Variants in FBLN2 observed in about 807,000 individuals in gnomAD.
The protein encoded by FBLN2 is fibulin 2, also known as fibulin-2.
A neutral mutation model predicts 123.7 loss-of-function variants in FBLN2; 81 were observed. The ratio of observed to expected loss-of-function variants is 0.65; its 90% CI spans 0.55 to 0.79. The LOEUF (loss-of-function observed/expected upper bound fraction) is 0.79, where lower values mean the gene tolerates loss of function less well. Ranked by LOEUF, FBLN2 falls within the 30% of genes least tolerant of loss-of-function variation. The pLI is 0.00. For synonymous variants in FBLN2, 699 were observed against 701.4 expected (o/e 1.00, Z 0.05); for missense variants, 1,603 against 1,681.3 (o/e 0.95, Z 0.81).
At chr3:13,609,402 C>A in intron 3 of FBLN2, 111 bp from the exon 4 acceptor site, 1 of 1,269,928 alleles carries the variant, frequency 7.9e-7, no homozygotes. Flanking sequence ...CCTGCACCGG[C>A]TCCCTTGCTG....
chr3:13,599,475 G>A (rs762586785), intron 2 of FBLN2, among the ~76,000 whole-genome samples: 6 of 152,210 alleles, frequency 3.9e-5, no homozygotes, highest in Non-Finnish European at 7.3e-5. Flanking sequence ...GGACCCCACC[G>A]TGTAGGACTT....
chr3:13,558,755 GTCCA>G (rs59549734), intron 1 of FBLN2, among the ~76,000 whole-genome samples: 103,693 of 127,168 alleles, frequency 0.82, 42,748 homozygotes, highest in East Asian at 0.99. Context: ...CCATTCACTC[GTCCA>G]TCCATCCATC....
rs540934222 is a variant in FBLN2, at chr3:13,638,349, A to G, written c.*430A>G. ...TTTAACTATAAAGTAGTACATGTAC[A>G]TTATATAAAAAAAAGTTCAACTAGT... On this transcript the variant is annotated 3_prime_UTR_variant, in exon 18 of 18. Transcript: ENST00000404922. 4.4e-3 allele frequency: 1,601 copies of G among 361,680 alleles called. 32 individuals carry two copies. The highest frequency in any genetic ancestry group is 0.024 in the South Asian group (1,157 of 49,200). 22.4% of individuals were successfully genotyped at this position (361,680 alleles called of 1,614,324 possible).
chr3:13,616,651 G>A (rs1267543819), intron 5 of FBLN2, among the ~76,000 whole-genome samples: 4 of 152,200 alleles, frequency 2.6e-5, no homozygotes, highest in African/African-American at 4.8e-5. Flanking sequence ...CTGCCTGGGT[G>A]GGGTGGGAAG....
At chr3:13,574,908 G>A (rs1391448733) in intron 2 of FBLN2, among the ~76,000 whole-genome samples, 1 of 152,172 alleles carries the variant, frequency 6.6e-6, no homozygotes, top group Non-Finnish European at 1.5e-5. Flanking sequence ...CGTGCACATG[G>A]CCGTGACCAG....
At chr3:13,632,693 T>C (rs1458692378) in intron 16 of FBLN2, among the ~76,000 whole-genome samples, 1 of 152,040 alleles carries the variant, frequency 6.6e-6, no homozygotes, top group Non-Finnish European at 1.5e-5. Flanking sequence ...AAGGAGTCCT[T>C]TGTGTGGGTG....
intron 2 of FBLN2, among the ~76,000 whole-genome samples, chr3:13,592,029 T>A (rs1304076150): frequency 5.3e-5 from 8 of 150,254 alleles, no homozygotes; most frequent in Non-Finnish European, 1.2e-4. Context: ...TTTTTTTTTT[T>A]TTTTTTTTAT....
chr3:13,585,384 G>C (rs958568284), intron 2 of FBLN2, among the ~76,000 whole-genome samples: 5 of 152,060 alleles, frequency 3.3e-5, no homozygotes, highest in Admixed American at 6.6e-5. Flanking sequence ...TTTAGTGGGG[G>C]GTGTGCATGG....
At chr3:13,631,627 G>A (rs1706262133) in intron 16 of FBLN2, among the ~76,000 whole-genome samples, 170 bp downstream of exon 16, 1 of 152,218 alleles carries the variant, frequency 6.6e-6, no homozygotes, top group Non-Finnish European at 1.5e-5. Flanking sequence ...TTGTGCCTGG[G>A]ATGAAGAACG....
chr3:13,630,763 G>A lies in FBLN2; in HGVS notation c.3033G>A (p.Gln1011=), dbSNP rs759766585. The A allele has an allele frequency of 6.2e-7, 1 of 1,610,176 alleles. No individual in the cohort carries two copies. Among genetic ancestry groups the A allele is most frequent in the Non-Finnish European group, 8.5e-7 (1 of 1,178,552 alleles). ...QECANIYGSY[Q]CYCRQGYQLA... ...GTGCCAACATCTATGGCTCCTACCA[G>A]TGCTACTGCCGCCAGGGCTACCAGC... is the stretch of plus-strand genomic sequence containing the variant. The change falls in exon 15 of 18, where the codon CAG becomes CAA. Residue 1011 remains glutamine (Q), a synonymous_variant. Transcript: ENST00000404922.
chr3:13,568,094 C>G (rs924523792), intron 1 of FBLN2, among the ~76,000 whole-genome samples: 1 of 152,130 alleles, frequency 6.6e-6, no homozygotes, highest in Non-Finnish European at 1.5e-5. Flanking sequence ...AGTGGCTTTA[C>G]GGAGTCCTCC....
At chr3:13,601,137 T>C (rs2124870361) in intron 2 of FBLN2, among the ~76,000 whole-genome samples, 1 of 152,360 alleles carries the variant, frequency 6.6e-6, no homozygotes. Flanking sequence ...GCTGGGACCC[T>C]GCCTGGCTGG....
chr3:13,601,374 A>G (rs1705027314), intron 2 of FBLN2, among the ~76,000 whole-genome samples: 1 of 152,222 alleles, frequency 6.6e-6, no homozygotes, highest in Non-Finnish European at 1.5e-5. Flanking sequence ...TATTCAAATA[A>G]GGAGAGTCTC....
intron 2 of FBLN2, among the ~76,000 whole-genome samples, chr3:13,585,652 G>A (rs1345380095): frequency 1.3e-5 from 2 of 152,156 alleles, no homozygotes; most frequent in African/African-American, 2.4e-5. Flanking sequence ...TGGGCTGGGC[G>A]TGGTGGCTTA....
intron 16 of FBLN2, among the ~76,000 whole-genome samples, chr3:13,633,560 C>T (rs1175573147): frequency 1.3e-5 from 2 of 152,260 alleles, no homozygotes; most frequent in Middle Eastern, 3.2e-3. Flanking sequence ...TCTGCAGCTC[C>T]TGACCTTCAG....
intron 2 of FBLN2, among the ~76,000 whole-genome samples, chr3:13,574,568 C>G (rs927459412): frequency 6.6e-6 from 1 of 152,180 alleles, no homozygotes; most frequent in African/African-American, 2.4e-5. Flanking sequence ...AGGGCTCCAG[C>G]TCAAAGACAG....
intron 2 of FBLN2, among the ~76,000 whole-genome samples, chr3:13,589,490 G>C (rs1414750280): frequency 6.6e-6 from 1 of 152,090 alleles, no homozygotes; most frequent in Non-Finnish European, 1.5e-5. Flanking sequence ...TGGAACCCCA[G>C]TCCACACTAA....
chr3:13,630,914 G>A, intron 15 of FBLN2, 99 bp downstream of exon 15: 1 of 923,602 alleles, frequency 1.1e-6, no homozygotes, highest in Non-Finnish European at 1.7e-6. Flanking sequence ...ACACAGAAAG[G>A]TTTTAGCATC....
rs961419136 is a variant in FBLN2, at chr3:13,634,172, T to G, written c.3215-2273T>G. 2.0e-5 allele frequency among the ~76,000 whole-genome samples: 3 copies of G among 152,194 alleles called. No individual in the cohort carries two copies. In the East Asian group the frequency reaches 5.8e-4, roughly 29 times the overall value. On this transcript the variant is annotated intron_variant, in intron 16 of 17. Transcript: ENST00000404922. ...TGGAAGCCTCTCTTCCGGGGCTGAA[T>G]TTTGCAGGACTCCCCTGTTTCGTCC...
Sources: allele counts gnomAD v4.1 joint callset (sites outside exome capture counted in the v4.1 genomes callset), GRCh38; gene constraint gnomAD v4.1.1; transcripts MANE v1.5; gene names NCBI Gene and HGNC (gene_info 2026-07-23, HGNC 2026-07-21).